DOCK4: variants seen among roughly 807,000 people sequenced by gnomAD.
DOCK4 encodes the protein dedicator of cytokinesis 4.
Under a neutral mutation model 268.1 loss-of-function variants are expected in DOCK4, and 97 were observed. That is an observed-to-expected ratio of 0.36 (90% confidence interval 0.31 to 0.43). The LOEUF is 0.43. DOCK4 is among the 20% of genes least tolerant of loss of function. The pLI is 1.00. For synonymous variants in DOCK4, 954 were observed against 887.2 expected (o/e 1.08, Z -1.34); for missense variants, 2,145 against 2,455.7 (o/e 0.87, Z 2.67).
intron 42 of DOCK4, among the ~76,000 whole-genome samples, chr7:111,754,409 T>C (rs1387636439): frequency 6.6e-6 from 1 of 152,234 alleles, no homozygotes; most frequent in Admixed American, 6.5e-5. Context: ...TCAGGAGCTG[T>C]TCTTTCTTCT....
intron 8 of DOCK4, among the ~76,000 whole-genome samples, chr7:111,957,286 T>C (rs1220283846): frequency 6.6e-6 from 1 of 152,170 alleles, no homozygotes; most frequent in East Asian, 1.9e-4. Flanking sequence ...TTTGATTTAT[T>C]GTTAAGAAAT....
chr7:112,109,100 C>A (rs1811396412), intron 1 of DOCK4, among the ~76,000 whole-genome samples: 2 of 152,164 alleles, frequency 1.3e-5, no homozygotes, highest in South Asian at 4.1e-4. Context: ...GAGATGTTCT[C>A]TTCCCTTAGG....
At chr7:111,836,260 G>T (rs1803231970) in intron 25 of DOCK4, among the ~76,000 whole-genome samples, 1 of 150,994 alleles carries the variant, frequency 6.6e-6, no homozygotes, top group Non-Finnish European at 1.5e-5. Flanking sequence ...TAAGGCATTA[G>T]TTAGAGTACC....
intron 1 of DOCK4, among the ~76,000 whole-genome samples, chr7:112,185,910 G>T (rs982565266): frequency 6.6e-6 from 1 of 152,242 alleles, no homozygotes; most frequent in Non-Finnish European, 1.5e-5. Context: ...GCTGAGGGTA[G>T]GAGTCACTTT....
intron 16 of DOCK4, among the ~76,000 whole-genome samples, chr7:111,894,332 A>G (rs1398289625): frequency 2.0e-5 from 3 of 152,350 alleles, no homozygotes; most frequent in Non-Finnish European, 2.9e-5. Context: ...TATTCATTCA[A>G]TAATCTTCAC....
chr7:111,976,206 A>ATGTGTG (rs1157470069), intron 8 of DOCK4, among the ~76,000 whole-genome samples: 2 of 71,728 alleles, frequency 2.8e-5, no homozygotes, highest in Non-Finnish European at 4.9e-5. Context: ...ACACGCACAT[A>ATGTGTG]TGTGTGTGTG....
At chr7:111,812,556 A>C (rs1801219453) in intron 27 of DOCK4, among the ~76,000 whole-genome samples, 2 of 152,266 alleles carry the variant, frequency 1.3e-5, no homozygotes, top group Non-Finnish European at 2.9e-5. Flanking sequence ...TGCTAGGATT[A>C]CAGGCAACAT....
intron 14 of DOCK4, among the ~76,000 whole-genome samples, chr7:111,901,195 A>G (rs111473048): frequency 0.012 from 1,846 of 152,120 alleles, 37 homozygotes; most frequent in African/African-American, 0.042. Context: ...TTAGCTGGGC[A>G]TGGTTACGCA....
At chr7:112,035,346 C>T (rs1803658884) in intron 1 of DOCK4, among the ~76,000 whole-genome samples, 1 of 151,526 alleles carries the variant, frequency 6.6e-6, no homozygotes, top group Admixed American at 6.6e-5. Flanking sequence ...CATGCAAAGA[C>T]ATATGTAAAC....
At chr7:111,948,476 G>A (rs866455216) in intron 8 of DOCK4, among the ~76,000 whole-genome samples, 2 of 152,174 alleles carry the variant, frequency 1.3e-5, no homozygotes, top group Non-Finnish European at 2.9e-5. Context: ...AAGAGTTCAA[G>A]GTAACTTTCT....
intron 1 of DOCK4, among the ~76,000 whole-genome samples, chr7:112,200,555 A>G (rs1820817608): frequency 6.6e-6 from 1 of 152,072 alleles, no homozygotes; most frequent in Admixed American, 6.6e-5. Flanking sequence ...TCTGATGTAT[A>G]TATTCACAGC....
chr7:111,885,367 C>G (rs560144342), intron 16 of DOCK4, among the ~76,000 whole-genome samples: 4 of 152,274 alleles, frequency 2.6e-5, no homozygotes, highest in African/African-American at 9.6e-5. Flanking sequence ...ACAGTTTAGG[C>G]TTTCACATAG....
At chr7:112,075,223 G>A (rs1260896397) in intron 1 of DOCK4, among the ~76,000 whole-genome samples, 1 of 152,212 alleles carries the variant, frequency 6.6e-6, no homozygotes, top group Non-Finnish European at 1.5e-5. Flanking sequence ...TATTCACCCA[G>A]GAGAAAGTAC....
chr7:111,778,211 G>A (rs1324087439), intron 36 of DOCK4, 65 bp downstream of exon 36: 1 of 1,129,740 alleles, frequency 8.9e-7, no homozygotes, highest in Admixed American at 2.0e-5. Flanking sequence ...ATTACAAAAA[G>A]CGGAGGAATG....
intron 24 of DOCK4, 23 bp downstream of exon 24, chr7:111,846,976 T>C (rs749531028): frequency 6.2e-7 from 1 of 1,611,692 alleles, no homozygotes. Flanking sequence ...GGGAGCTATA[T>C]ACTATGACCT....
In DOCK4 at chr7:111,861,334, A is replaced by G. The variant is rs547893920; in HGVS notation, c.2473+2038T>C. Among the ~76,000 whole-genome samples, 7 of 152,344 alleles carry G rather than the reference A, an allele frequency of 4.6e-5. No individual in the cohort carries two copies. The East Asian group carries it at 1.2e-3, about 25-fold the overall frequency. On this transcript the variant is annotated intron_variant, in intron 23 of 52. Coordinates refer to ENST00000428084, the MANE Select transcript of DOCK4 (RefSeq NM_001363540.2). ...CAGAAAAAAAAATAAGAAATATCTC[A>G]AAAGTCCTTCAACAGGAGAAAAAAT...
intron 1 of DOCK4, among the ~76,000 whole-genome samples, chr7:112,118,551 T>C (rs925809528): frequency 1.3e-5 from 2 of 152,206 alleles, no homozygotes; most frequent in African/African-American, 2.4e-5. Context: ...ATAGAAACCA[T>C]TGCCAAAAAA....
intron 13 of DOCK4, among the ~76,000 whole-genome samples, chr7:111,906,540 GCCC>G (rs1791585370): frequency 6.6e-6 from 1 of 152,128 alleles, no homozygotes; most frequent in African/African-American, 2.4e-5. Flanking sequence ...GGGCTGGGTG[GCCC>G]CTCATGTGTG....
intron 1 of DOCK4, among the ~76,000 whole-genome samples, chr7:112,112,492 A>T (rs1343993638): frequency 6.6e-6 from 1 of 152,012 alleles, no homozygotes; most frequent in Non-Finnish European, 1.5e-5. Flanking sequence ...AAATACAAAA[A>T]AACTAGCCGG....
Sources: gnomAD v4.1 joint callset for allele counts (sites outside exome capture counted in the v4.1 genomes callset) on GRCh38, gnomAD v4.1.1 for gene constraint, MANE v1.5 for transcripts, NCBI Gene and HGNC (gene_info 2026-07-23, HGNC 2026-07-21) for gene names.